Variants in EFHC1 observed in about 807,000 individuals in gnomAD.
EFHC1 encodes EF-hand domain containing 1, also known as EF-hand domain-containing protein 1.
A neutral mutation model predicts 69.9 loss-of-function variants in EFHC1; 53 were observed. That is an observed-to-expected ratio of 0.76 (90% CI 0.61 to 0.95). EFHC1 has a LOEUF of 0.95. Ranked by LOEUF, EFHC1 falls within the 40% of genes least tolerant of loss-of-function variation. EFHC1 has a pLI of 0.00. For missense variants in EFHC1, 739 were observed against 798.7 expected (o/e 0.93, Z 0.90); for synonymous variants, 256 against 278.4 (o/e 0.92, Z 0.80).
chr6:52,492,494 G>C lies in EFHC1; in HGVS notation c.*153G>C. ...TCCTACTGAAGTCGAAACTAAATTG[G>C]ATCTAATAGGATCTAAGATTGGTGC... On this transcript the variant is annotated 3_prime_UTR_variant, in exon 11 of 11. Coordinates refer to ENST00000371068, the MANE Select transcript of EFHC1 (RefSeq NM_018100.4). 1 of 751,926 alleles carries C rather than the reference G, an allele frequency of 1.3e-6. No individual in the cohort carries two copies. Among genetic ancestry groups the C allele is most frequent in the Non-Finnish European group, 2.3e-6 (1 of 432,268 alleles). 46.6% of individuals were successfully genotyped at this position (751,926 alleles called of 1,614,324 possible).
intron 2 of EFHC1, among the ~76,000 whole-genome samples, chr6:52,433,407 T>C (rs1044148920): frequency 6.6e-5 from 10 of 152,224 alleles, no homozygotes; most frequent in African/African-American, 1.9e-4. Context: ...CCTATGGATG[T>C]GGCTTTCTGA....
chr6:52,448,799 T>G (rs944118353), intron 3 of EFHC1, among the ~76,000 whole-genome samples: 3 of 152,218 alleles, frequency 2.0e-5, no homozygotes, highest in African/African-American at 7.2e-5. Context: ...CTAGTTTTGT[T>G]TATGTGATGA....
intron 5 of EFHC1, among the ~76,000 whole-genome samples, chr6:52,461,212 C>G (rs1266364257): frequency 6.6e-6 from 1 of 152,120 alleles, no homozygotes; most frequent in African/African-American, 2.4e-5. Context: ...CTGATCTTCT[C>G]CCTCCTCCCA....
chr6:52,452,607 A>G (rs1003235882), intron 3 of EFHC1, 81 bp from the exon 4 acceptor site: 46 of 1,541,406 alleles, frequency 3.0e-5, no homozygotes, highest in Non-Finnish European at 3.9e-5. Context: ...TGGCCCATAC[A>G]CTTATTTTTA....
Position 52,457,616 on chromosome 6 carries a change from C to A in EFHC1, c.916+3329C>A, listed in dbSNP as rs538428538. ...ATATCAGAAATTCAGAAAGTTATTT[C>A]TTCGTCAAGGGCAATTGCATATTAC... On this transcript the variant is annotated intron_variant, in intron 5 of 10. Transcript: ENST00000371068. 3.3e-5 allele frequency among the ~76,000 whole-genome samples: 5 copies of A among 152,252 alleles called. No homozygotes were observed. The South Asian group carries it at 1.0e-3, about 32-fold the overall frequency.
Position 52,438,328 on chromosome 6 carries a change from C to T in EFHC1, c.310C>T (p.Gln104Ter), listed in dbSNP as rs769148860. ...KKVLKFDAYF[Q>*]EDVPMSTEEQ... Reference sequence around the variant, plus strand: ...GGTACTGAAATTTGATGCCTATTTCCAAGAAGATGTTCCTATGTCAACTGA... The same window carrying T: ...GGTACTGAAATTTGATGCCTATTTCTAAGAAGATGTTCCTATGTCAACTGA... The change falls in exon 3 of 11, where the codon CAA becomes TAA. Residue 104 changes from glutamine to a stop codon, truncating the protein, a stop_gained. Transcript: ENST00000371068. LOFTEE classifies it high-confidence loss of function. 6.2e-7 allele frequency: 1 copy of T among 1,613,318 alleles called. No homozygotes were observed. Among genetic ancestry groups the T allele is most frequent in the Non-Finnish European group, 8.5e-7 (1 of 1,179,782 alleles).
chr6:52,468,679 C>T (rs1228957536), intron 6 of EFHC1: 1 of 153,540 alleles, frequency 6.5e-6, no homozygotes, highest in Non-Finnish European at 1.4e-5. Flanking sequence ...AGATGCTTAG[C>T]ATGTAGGCCG....
At chr6:52,467,726 A>G (rs1419848050) in intron 6 of EFHC1, among the ~76,000 whole-genome samples, 2 of 152,224 alleles carry the variant, frequency 1.3e-5, no homozygotes, top group African/African-American at 4.8e-5. Context: ...CATATGGCAC[A>G]TTAATTATAG....
intron 5 of EFHC1, among the ~76,000 whole-genome samples, chr6:52,455,312 AT>A (rs1162347632): frequency 1.3e-5 from 2 of 151,306 alleles, no homozygotes; most frequent in African/African-American, 2.4e-5. Context: ...GTGTTCACTG[AT>A]TTTTTTTTCT....
intron 10 of EFHC1, among the ~76,000 whole-genome samples, chr6:52,491,171 A>C (rs1041840466): frequency 6.6e-6 from 1 of 152,194 alleles, no homozygotes; most frequent in Non-Finnish European, 1.5e-5. Flanking sequence ...CAGATAGAAG[A>C]GTATTTGTTC....
rs1439959491 is a variant in EFHC1, at chr6:52,495,296, C to A, written c.*2955C>A. 4.4e-6 allele frequency: 2 copies of A among 453,988 alleles called. No individual in the cohort carries two copies. Among genetic ancestry groups the A allele is most frequent in the Non-Finnish European group, 8.8e-6 (2 of 226,798 alleles). 28.1% of individuals were successfully genotyped at this position (453,988 alleles called of 1,614,324 possible). The stretch of plus-strand genomic sequence containing the variant: ...CTCTCCAAACTCCAGGGGACAGACA[C>A]ATGTCAAACCCTGAGTCTTTTAAAG... On this transcript the variant is annotated 3_prime_UTR_variant, in exon 11 of 11. Transcript: ENST00000371068.
At chr6:52,477,383 CT>C (rs1765566662) in intron 7 of EFHC1, among the ~76,000 whole-genome samples, 1 of 152,082 alleles carries the variant, frequency 6.6e-6, no homozygotes, top group African/African-American at 2.4e-5. Flanking sequence ...ATCCCATGGT[CT>C]TAATGAGAAG....
At chr6:52,441,844 C>G (rs1764672348) in intron 3 of EFHC1, among the ~76,000 whole-genome samples, 1 of 151,918 alleles carries the variant, frequency 6.6e-6, no homozygotes, top group South Asian at 2.1e-4. Flanking sequence ...TCCTAGGTAT[C>G]TTATTCTTTT....
intron 8 of EFHC1, 140 bp from the exon 9 acceptor site, chr6:52,479,500 G>T: frequency 1.5e-6 from 2 of 1,294,876 alleles, no homozygotes; most frequent in Non-Finnish European, 2.2e-6. Context: ...CTGCATATTA[G>T]TATGTCGTTT....
intron 7 of EFHC1, among the ~76,000 whole-genome samples, chr6:52,471,545 T>C (rs530341618): frequency 1.0e-3 from 153 of 152,244 alleles, no homozygotes; most frequent in Non-Finnish European, 1.9e-3. Flanking sequence ...AATATACTTA[T>C]AGGGATTTCA....
chr6:52,491,750 T>TGAGCAAAGGCAACCGCCC (rs1183130042), intron 10 of EFHC1, among the ~76,000 whole-genome samples: 1 of 152,192 alleles, frequency 6.6e-6, no homozygotes, highest in Non-Finnish European at 1.5e-5. Flanking sequence ...CTGCTTCTAG[T>TGAGCAAAGGCAACCGCCC]GAGCAAAGGC....
chr6:52,447,014 T>C (rs1271109781), intron 3 of EFHC1, among the ~76,000 whole-genome samples: 1 of 152,204 alleles, frequency 6.6e-6, no homozygotes, highest in Non-Finnish European at 1.5e-5. Flanking sequence ...TCATTTCAAC[T>C]TTGGTGAATC....
chr6:52,484,589 G>T (rs1374043851), intron 9 of EFHC1: 1 of 152,126 alleles, frequency 6.6e-6, no homozygotes, highest in East Asian at 1.9e-4. Flanking sequence ...AAACTCCATT[G>T]TGCACTTATG....
intron 1 of EFHC1, chr6:52,420,885 G>T: frequency 2.3e-6 from 1 of 430,226 alleles, no homozygotes; most frequent in South Asian, 3.0e-5. Context: ...ATCATAACCT[G>T]TCTCCGTCCA....
Sources: allele counts gnomAD v4.1 joint callset (sites outside exome capture counted in the v4.1 genomes callset), GRCh38; gene constraint gnomAD v4.1.1; transcripts MANE v1.5; gene names NCBI Gene and HGNC (gene_info 2026-07-23, HGNC 2026-07-21).